Variants in COG8 observed in about 807,000 individuals in gnomAD.
COG8 encodes component of oligomeric golgi complex 8.
A neutral mutation model predicts 46.5 loss-of-function variants in COG8; 45 were observed. The observed-to-expected ratio is 0.97, with a 90% CI of 0.76 to 1.24. The LOEUF (loss-of-function observed/expected upper bound fraction) is 1.24. COG8 is among the 50% of genes most tolerant of loss of function. COG8 has a pLI of 0.00. For missense variants in COG8, 793 were observed against 820.8 expected (o/e 0.97, Z 0.41); for synonymous variants, 407 against 347.8 (o/e 1.17, Z -1.90).
At chr16:69,334,452 T>C (rs2012068548) in intron 3 of COG8, 69 bp downstream of exon 3, 1 of 1,341,720 alleles carries the variant, frequency 7.5e-7, no homozygotes, top group South Asian at 1.2e-5. Flanking sequence ...GACGGGTTTA[T>C]TACAAAAATC....
rs2012125108 is a variant in COG8, at chr16:69,335,098, C to T, written c.836G>A (p.Arg279His). ...FHITKTIEAS[R>H]VHLFDIITQY... ...GGTGATGATATCAAAGAGATGGACA[C>T]GGGAGGCCTCGATGGTTTTTGTAAT... is the stretch of plus-strand genomic sequence containing the variant. The change falls in exon 3 of 6, where the codon CGT (arginine) becomes CAT (histidine). Residue 279 changes from arginine to histidine, a missense_variant. Transcript: ENST00000306875. 1 of 1,614,142 alleles carries T rather than the reference C, an allele frequency of 6.2e-7. No homozygotes were observed. Among genetic ancestry groups the T allele is most frequent in the Non-Finnish European group, 8.5e-7 (1 of 1,180,034 alleles).
Position 69,332,891 on chromosome 16 carries a change from C to T in COG8, c.1414-9G>A. 1.2e-6 allele frequency: 2 copies of T among 1,613,978 alleles called. No individual in the cohort carries two copies. The highest frequency in any genetic ancestry group is 8.5e-7 in the Non-Finnish European group (1 of 1,179,978). ...AGGATTATTTTAGTTACCTAAGAGA[C>T]AAGGGCACCGTCAATTACTGGGACA... On this transcript the variant is annotated splice_polypyrimidine_tract_variant and intron_variant, in intron 3 of 5. Coordinates refer to ENST00000306875, the MANE Select transcript of COG8 (RefSeq NM_032382.5).
At chr16:69,339,003 A>G (rs1769400316) in intron 1 of COG8, 173 bp downstream of exon 1, 3 of 902,018 alleles carry the variant, frequency 3.3e-6, no homozygotes, top group Non-Finnish European at 5.0e-6. Flanking sequence ...AAAAAAGATA[A>G]AAAAGGAATA....
intron 3 of COG8, among the ~76,000 whole-genome samples, chr16:69,333,775 G>A (rs569630391): frequency 6.6e-6 from 1 of 152,312 alleles, no homozygotes; most frequent in Non-Finnish European, 1.5e-5. Context: ...GATCACTTGA[G>A]TCCAGGAGTT....
Position 69,328,884 on chromosome 16 carries a change from TCA to T in COG8, c.*320_*321del. ...AACATTTCTGACATCTTCCTCCAGC[TCA>T]GTCTGCCATGCCTTGGCAATCCAGT... On this transcript the variant is annotated 3_prime_UTR_variant, in exon 6 of 6. Coordinates refer to ENST00000306875, the MANE Select transcript of COG8 (RefSeq NM_032382.5). 9.0e-7 allele frequency: 1 copy of T among 1,108,300 alleles called. No individual in the cohort carries two copies. Among genetic ancestry groups the T allele is most frequent in the Non-Finnish European group, 1.3e-6 (1 of 786,910 alleles). 68.7% of individuals were successfully genotyped at this position (1,108,300 alleles called of 1,614,324 possible). A position where few individuals can be genotyped will look rare whatever the true frequency, so the allele number is the denominator to read the frequency against.
At chr16:69,333,635 A>C (rs1488829552) in intron 3 of COG8, among the ~76,000 whole-genome samples, 1 of 152,218 alleles carries the variant, frequency 6.6e-6, no homozygotes, top group East Asian at 1.9e-4. Context: ...CAAAACCAAC[A>C]GAGCAGCCTA....
chr16:69,327,546 C>G lies in COG8; in HGVS notation c.*1660G>C, dbSNP rs1309645069. On this transcript the variant is annotated 3_prime_UTR_variant, in exon 6 of 6. Coordinates refer to ENST00000306875, the MANE Select transcript of COG8 (RefSeq NM_032382.5). ...CCTCATGGGGCCTCAGAGAAAGCCA[C>G]AAAGGAGGATGGGTCTTTCCTGGGT... 1 of 151,960 alleles carries G rather than the reference C, an allele frequency of 6.6e-6. No individual in the cohort carries two copies. Among genetic ancestry groups the G allele is most frequent in the Non-Finnish European group, 1.5e-5 (1 of 68,008 alleles). The allele number at this position is 151,960 out of a possible 1,614,324, so 9.4% of individuals were successfully genotyped here.
chr16:69,339,042 G>A, intron 1 of COG8, 134 bp downstream of exon 1: 1 of 1,245,354 alleles, frequency 8.0e-7, no homozygotes, highest in Non-Finnish European at 1.2e-6. Context: ...GCTGTTGTGA[G>A]GTTTAAATGG....
Position 69,339,188 on chromosome 16 carries a change from T to C in COG8, c.365A>G (p.Gln122Arg), listed in dbSNP as rs1239751369. 5.0e-6 allele frequency: 8 copies of C among 1,612,842 alleles called. No homozygotes were observed. The highest frequency in any genetic ancestry group is 6.8e-6 in the Non-Finnish European group (8 of 1,179,932). Residue 122 changes from glutamine (Q) to arginine (R), a missense_variant, in exon 1 of 6, where the codon CAG (glutamine) becomes CGG (arginine). By Grantham distance (43) the Gln-to-Arg change is conservative. Transcript: ENST00000306875. ...AGGCGCGTCGCACCTGCAGCTCTGC[T>C]GGAAGCTGGGCAAACGGTCGAGCAG... ...GRLLDRLPSF[Q>R]QSCRNFVKEA...
At position 69,335,354 on chromosome 16, in the gene COG8, A is replaced by G. The variant is rs1350233799; in HGVS notation, c.586-6T>C. The G allele has an allele frequency of 6.3e-7, 1 of 1,584,896 alleles. No individual in the cohort carries two copies. Among genetic ancestry groups the G allele is most frequent in the Non-Finnish European group, 8.5e-7 (1 of 1,170,998 alleles). On this transcript the variant is annotated splice_region_variant and splice_polypyrimidine_tract_variant and intron_variant, in intron 2 of 5. Transcript: ENST00000306875. ...CGCACTTCGTTCACGATGCCCTGAC[A>G]ATACACAGAGAGAGTCACACTGCGC...
intron 5 of COG8, among the ~76,000 whole-genome samples, chr16:69,329,442 C>T (rs1343139434): frequency 6.6e-6 from 1 of 152,204 alleles, no homozygotes; most frequent in Admixed American, 6.5e-5. Flanking sequence ...TTCTACGGTG[C>T]GACCCTTCCG....
intron 5 of COG8, chr16:69,330,003 T>C (rs1179075503): frequency 6.5e-7 from 1 of 1,537,688 alleles, no homozygotes; most frequent in Non-Finnish European, 8.8e-7. Flanking sequence ...GCACCTGAGA[T>C]CTGCACCGCC....
Position 69,330,827 on chromosome 16 carries a change from A to C in COG8, c.*12T>G. 1 of 1,532,768 alleles carries C rather than the reference A, an allele frequency of 6.5e-7. No individual in the cohort carries two copies. The allele number at this position is 1,532,768 out of a possible 1,614,324, so 94.9% of individuals were successfully genotyped here. A position where few individuals can be genotyped will look rare whatever the true frequency, so the allele number is the denominator to read the frequency against. On this transcript the variant is annotated 3_prime_UTR_variant, in exon 5 of 6. Coordinates refer to ENST00000306875, the MANE Select transcript of COG8 (RefSeq NM_032382.5). ...ACCTCACGCACCGCGTTCTGGAGGC[A>C]GGGGACGCCGGCTAGGGCCCCACGC...
In COG8 at chr16:69,331,001, T is replaced by C. The variant is rs1567429953; in HGVS notation, c.1677A>G (p.Arg559=). ...QEPLAFILPK[R]ETLFTLDDQA... is the part of the protein sequence containing the mutation. ...GGTCATCCAGGGTGAAAAGCGTCTC[T>C]CTCTTTGGCAGGATAAAGGCGAGGG... Residue 559 remains arginine, a synonymous_variant, in exon 5 of 6, where the codon AGA becomes AGG. Coordinates refer to ENST00000306875, the MANE Select transcript of COG8 (RefSeq NM_032382.5). 6.2e-7 allele frequency: 1 copy of C among 1,611,286 alleles called. No individual in the cohort carries two copies.
chr16:69,330,679 T>C lies in COG8; in HGVS notation c.*26+134A>G, dbSNP rs2143316852. ...GCGAAGCCGCGACTGGATCCCCGCC[T>C]TCCTGCTTAGACTGGCAGTGAGCAC... On this transcript the variant is annotated intron_variant, in intron 5 of 5. Coordinates refer to ENST00000306875, the MANE Select transcript of COG8 (RefSeq NM_032382.5). The C allele has an allele frequency of 4.3e-6, 6 of 1,397,036 alleles. No individual in the cohort carries two copies. In the East Asian group the frequency reaches 1.6e-4, roughly 38 times the overall value. 86.5% of individuals were successfully genotyped at this position (1,397,036 alleles called of 1,614,324 possible). A position where few individuals can be genotyped will look rare whatever the true frequency, so the allele number is the denominator to read the frequency against.
chr16:69,331,114 A>T lies in COG8; in HGVS notation c.1583-19T>A. The T allele has an allele frequency of 6.2e-7, 1 of 1,613,406 alleles. No individual in the cohort carries two copies. Among genetic ancestry groups the T allele is most frequent in the South Asian group, 1.1e-5 (1 of 91,004 alleles). On this transcript the variant is annotated intron_variant, in intron 4 of 5. Transcript: ENST00000306875. ...GGAATGCCTAACCCAGACGTGGGGAAAGCAAAATGGAAAACAGTTACTAAT... is the reference window on the plus strand; with the variant it reads ...GGAATGCCTAACCCAGACGTGGGGATAGCAAAATGGAAAACAGTTACTAAT...
intron 4 of COG8, among the ~76,000 whole-genome samples, chr16:69,331,843 C>T (rs936776474): frequency 1.3e-5 from 2 of 152,130 alleles, no homozygotes; most frequent in African/African-American, 4.8e-5. Context: ...ACCTTTGTTA[C>T]AGGGAATGGG....
At position 69,327,767 on chromosome 16, in the gene COG8, T is replaced by A. The variant is rs1294154344; in HGVS notation, c.*1439A>T. On this transcript the variant is annotated 3_prime_UTR_variant, in exon 6 of 6. Coordinates refer to ENST00000306875, the MANE Select transcript of COG8 (RefSeq NM_032382.5). Reference sequence around the variant, plus strand: ...TGTGGCTCACAACTGATCCCAGCACTTTGGGAGGCCGAGGCAGGAGGATTG... The same window carrying A: ...TGTGGCTCACAACTGATCCCAGCACATTGGGAGGCCGAGGCAGGAGGATTG... 1 of 151,972 alleles carries A rather than the reference T, an allele frequency of 6.6e-6. No homozygotes were observed. Among genetic ancestry groups the A allele is most frequent in the Non-Finnish European group, 1.5e-5 (1 of 68,006 alleles). 9.4% of individuals were successfully genotyped at this position (151,972 alleles called of 1,614,324 possible).
In COG8 at chr16:69,334,825, A is replaced by G. The variant is rs370624304; in HGVS notation, c.1109T>C (p.Val370Ala). 30 of 1,614,022 alleles carry G rather than the reference A, an allele frequency of 1.9e-5. No individual in the cohort carries two copies. The highest frequency in any genetic ancestry group is 2.4e-5 in the Non-Finnish European group (28 of 1,180,042). The change falls in exon 3 of 6, where the codon GTT (valine) becomes GCT (alanine). Residue 370 changes from valine to alanine, a missense_variant. Coordinates refer to ENST00000306875, the MANE Select transcript of COG8 (RefSeq NM_032382.5). ...GADFRGQLAP[V>A]FQRVAISTFQ... ...AGTGCTGATGGCCACCCGCTGGAAA[A>G]CAGGAGCCAACTGACCCCGGAAATC...
Sources: allele counts gnomAD v4.1 joint callset (sites outside exome capture counted in the v4.1 genomes callset), GRCh38; gene constraint gnomAD v4.1.1; transcripts MANE v1.5; gene names NCBI Gene and HGNC (gene_info 2026-07-23, HGNC 2026-07-21).